Variants in VPS18 observed in about 807,000 individuals in gnomAD.
VPS18 encodes VPS18 core subunit of CORVET and HOPS complexes, also known as vacuolar protein sorting-associated protein 18 homolog.
A neutral mutation model predicts 82.0 loss-of-function variants in VPS18; 25 were observed. The observed-to-expected ratio is 0.30, with a 90% CI of 0.22 to 0.43. The LOEUF (loss-of-function observed/expected upper bound fraction) is 0.43, where lower values mean the gene tolerates loss of function less well. Among genes scored for constraint, VPS18 ranks in the 20% least tolerant of loss-of-function variants. The pLI is 1.00. For missense variants in VPS18, 1,168 were observed against 1,311.1 expected (o/e 0.89, Z 1.69); for synonymous variants, 523 against 543.0 (o/e 0.96, Z 0.51).
Position 40,899,718 on chromosome 15 carries a change from G to A in VPS18, c.900G>A (p.Gly300=). ...DGVLYGALDC[G]RPDSLLSEER... Reference sequence around the variant, plus strand: ...TGTTGTATGGGGCATTGGACTGTGGGCGCCCTGACTCTCTGCTGAGCGAGG... The same window carrying A: ...TGTTGTATGGGGCATTGGACTGTGGACGCCCTGACTCTCTGCTGAGCGAGG... Residue 300 remains glycine, a synonymous_variant, in exon 4 of 5, where the codon GGG becomes GGA. Transcript: ENST00000220509. The surrounding 1 kb of genome is among the most constrained non-coding windows in gnomAD (Gnocchi z 4.4). The A allele has an allele frequency of 1.9e-6, 3 of 1,613,988 alleles. No homozygotes were observed. Among genetic ancestry groups the A allele is most frequent in the Non-Finnish European group, 2.5e-6 (3 of 1,180,050 alleles).
At chr15:40,898,787 A>G in intron 2 of VPS18, 120 bp from the exon 3 acceptor site, 1 of 1,086,692 alleles carries the variant, frequency 9.2e-7, no homozygotes, top group Non-Finnish European at 1.4e-6. Context: ...TCAGCATTTT[A>G]TGCATAGATG....
Position 40,899,467 on chromosome 15 carries a change from C to G in VPS18, c.649C>G (p.Arg217Gly). 6.2e-7 allele frequency: 1 copy of G among 1,610,372 alleles called. No homozygotes were observed. Among genetic ancestry groups the G allele is most frequent in the Non-Finnish European group, 8.5e-7 (1 of 1,178,008 alleles). The stretch of plus-strand genomic sequence containing the variant: ...TGAGGCCGAGCGGGGCCCTGATGGG[C>G]GTAGCTTTGTTATTGCCACCACTCG... ...SLEAERGPDG[R>G]SFVIATTRQR... Residue 217 changes from arginine (R) to glycine (G), a missense_variant, in exon 4 of 5, where the codon CGT becomes GGT. Coordinates refer to ENST00000220509, the MANE Select transcript of VPS18 (RefSeq NM_020857.3). This position sits in a 1 kb window ranked among gnomAD's most constrained non-coding sequence, Gnocchi z 4.4.
In VPS18 at chr15:40,900,887, C is replaced by A; in HGVS notation, c.2069C>A (p.Pro690His). The A allele has an allele frequency of 6.2e-7, 1 of 1,614,072 alleles. No homozygotes were observed. ...TATCTGGAGCAGGCTGGGGCCAGCCCCCACCGGGTGCATTACGACCTCAAG... is the reference window on the plus strand; with the variant it reads ...TATCTGGAGCAGGCTGGGGCCAGCCACCACCGGGTGCATTACGACCTCAAG... ...LAYLEQAGAS[P>H]HRVHYDLKYA... is the part of the protein sequence containing the mutation. Residue 690 changes from proline to histidine, a missense_variant, in exon 4 of 5, where the codon CCC (proline) becomes CAC (histidine). Transcript: ENST00000220509. This position sits in a 1 kb window ranked among gnomAD's most constrained non-coding sequence, Gnocchi z 5.4.
intron 2 of VPS18, chr15:40,898,526 C>T: frequency 3.8e-6 from 1 of 262,642 alleles, no homozygotes; most frequent in South Asian, 4.0e-5. Flanking sequence ...GGTTGGAATA[C>T]AGTGGTGTAG....
In VPS18 at chr15:40,900,000, G is replaced by A. The variant is rs1283975488; in HGVS notation, c.1182G>A (p.Glu394=). The A allele has an allele frequency of 1.2e-6, 2 of 1,614,072 alleles. No individual in the cohort carries two copies. Among genetic ancestry groups the A allele is most frequent in the Non-Finnish European group, 1.7e-6 (2 of 1,180,044 alleles). Residue 394 remains glutamate (E), a synonymous_variant, in exon 4 of 5, where the codon GAG becomes GAA. Transcript: ENST00000220509. This position sits in a 1 kb window ranked among gnomAD's most constrained non-coding sequence, Gnocchi z 4.4. ...RAVFRYHVQR[E]ARDVWRTYLD... ...TCTTCCGCTACCACGTGCAACGGGA[G>A]GCCCGAGATGTCTGGCGCACCTATC...
chr15:40,900,254 G>T lies in VPS18; in HGVS notation c.1436G>T (p.Ser479Ile). The T allele has an allele frequency of 4.3e-6, 7 of 1,613,790 alleles. No individual in the cohort carries two copies. Among genetic ancestry groups the T allele is most frequent in the Non-Finnish European group, 5.1e-6 (6 of 1,180,012 alleles). ...GAGTTCCTGCAGCGAAAACTGGCCA[G>T]TTTGAAGCCAGCCGAACGTACCCAG... ...LAEFLQRKLA[S>I]LKPAERTQAT... is the part of the protein sequence containing the mutation. The change falls in exon 4 of 5, where the codon AGT becomes ATT. Residue 479 changes from serine to isoleucine, a missense_variant. Transcript: ENST00000220509. This position sits in a 1 kb window ranked among gnomAD's most constrained non-coding sequence, Gnocchi z 5.4.
rs1892330536 is a variant in VPS18, at chr15:40,900,391, A to AC, written c.1575dup (p.Phe526LeufsTer20). ...CCGAGAAACCAAGGAATGCTTTCGA[A>AC]CCTTCCTCAGCAGCCCCCGCCACAA... On this transcript the variant is annotated frameshift_variant, in exon 4 of 5. Transcript: ENST00000220509. LOFTEE classifies it high-confidence loss of function. This position sits in a 1 kb window ranked among gnomAD's most constrained non-coding sequence, Gnocchi z 5.4. 1 of 1,612,556 alleles carries AC rather than the reference A, an allele frequency of 6.2e-7. No homozygotes were observed. The highest frequency in any genetic ancestry group is 1.3e-5 in the African/African-American group (1 of 74,620).
In VPS18 at chr15:40,903,288, C is replaced by T. The variant is rs765565803; in HGVS notation, c.2869C>T (p.Arg957Trp). 251 of 1,569,332 alleles carry T rather than the reference C, an allele frequency of 1.6e-4. No individual in the cohort carries two copies. Among genetic ancestry groups the T allele is most frequent in the Non-Finnish European group, 2.1e-4 (244 of 1,158,368 alleles). ...CGELMIRSID[R>W]PFIDPQRYEE... is the part of the protein sequence containing the mutation. ...GGAGCTGATGATCCGCTCTATCGAC[C>T]GGCCGTTCATCGACCCCCAGCGCTA... Residue 957 changes from arginine to tryptophan, a missense_variant, in exon 5 of 5, where the codon CGG becomes TGG. Around this residue, in one of 3 missense-constraint regions of VPS18, gnomAD observed 296 missense variants for 354.0 expected, o/e 0.84. Transcript: ENST00000220509.
At position 40,903,270 on chromosome 15, in the gene VPS18, A is replaced by G; in HGVS notation, c.2851A>G (p.Met951Val). 2 of 1,594,766 alleles carry G rather than the reference A, an allele frequency of 1.3e-6. No individual in the cohort carries two copies. Among genetic ancestry groups the G allele is most frequent in the Non-Finnish European group, 1.7e-6 (2 of 1,170,138 alleles). Residue 951 changes from methionine to valine, a missense_variant, in exon 5 of 5, where the codon ATG (methionine) becomes GTG (valine). Physicochemically the swap from Met to Val is conservative, Grantham distance 21 (BLOSUM62 1). This residue lies in a region of VPS18 where 296 missense variants were observed against 354.0 expected (regional missense o/e 0.84). Transcript: ENST00000220509. ...TGAGTGTGTGTACTGTGGGGAGCTG[A>G]TGATCCGCTCTATCGACCGGCCGTT... Reference protein sequence around the residue: ...AAECVYCGELMIRSIDRPFID... With the variant: ...AAECVYCGELVIRSIDRPFID...
At chr15:40,895,880 T>C (rs900945941) in intron 1 of VPS18, 58 bp from the exon 2 acceptor site, 8 of 1,607,772 alleles carry the variant, frequency 5.0e-6, no homozygotes, top group Middle Eastern at 1.6e-4. Flanking sequence ...TTTCTGCCTC[T>C]CCTTGCCCTT....
At position 40,900,741 on chromosome 15, in the gene VPS18, G is replaced by T; in HGVS notation, c.1923G>T (p.Gln641His). 1.9e-6 allele frequency: 3 copies of T among 1,614,186 alleles called. No homozygotes were observed. Among genetic ancestry groups the T allele is most frequent in the Non-Finnish European group, 2.5e-6 (3 of 1,180,044 alleles). Residue 641 changes from glutamine (Q) to histidine (H), a missense_variant, in exon 4 of 5, where the codon CAG (glutamine) becomes CAT (histidine). Gln to His is a conservative substitution (Grantham distance 24). This residue lies in a region of VPS18 where 868 missense variants were observed against 939.8 expected (regional missense o/e 0.92). Transcript: ENST00000220509. This position sits in a 1 kb window ranked among gnomAD's most constrained non-coding sequence, Gnocchi z 5.4. ...ACAGCCAGGGTGGTGAGGTCCAGCAGGTGAGCCAGGCCATCCGCTACATGG... is the reference window on the plus strand; with the variant it reads ...ACAGCCAGGGTGGTGAGGTCCAGCATGTGAGCCAGGCCATCCGCTACATGG... ...VNYSQGGEVQ[Q>H]VSQAIRYMEF...
Position 40,894,719 on chromosome 15 carries a change from C to A in VPS18, c.-50C>A. 6.6e-7 allele frequency: 1 copy of A among 1,505,138 alleles called. No individual in the cohort carries two copies. Among genetic ancestry groups the A allele is most frequent in the Non-Finnish European group, 8.9e-7 (1 of 1,119,698 alleles). 93.2% of individuals were successfully genotyped at this position (1,505,138 alleles called of 1,614,324 possible). ...GGCGACGGGGACCCCGGGGGGGTAG[C>A]CCTTTTGTAATCCCCAGGCCCCGGA... On this transcript the variant is annotated 5_prime_UTR_variant, in exon 1 of 5. Transcript: ENST00000220509.
chr15:40,897,021 C>T (rs529222588), intron 2 of VPS18, among the ~76,000 whole-genome samples: 129 of 151,518 alleles, frequency 8.5e-4, no homozygotes, highest in Middle Eastern at 6.8e-3. Flanking sequence ...CCTGGCTGGG[C>T]GAGGTGGCTC....
intron 4 of VPS18, among the ~76,000 whole-genome samples, chr15:40,901,602 AAAAG>A (rs552755898): frequency 2.3e-4 from 35 of 150,836 alleles, no homozygotes; most frequent in African/African-American, 8.0e-4. Flanking sequence ...AAAAAAAAGA[AAAAG>A]AAAAGAAAAA....
At chr15:40,901,586 C>CA (rs112024715) in intron 4 of VPS18, among the ~76,000 whole-genome samples, 5,668 of 117,380 alleles carry the variant, frequency 0.048, 164 homozygotes, top group East Asian at 0.11. Flanking sequence ...GACTCCGTCT[C>CA]AAAAAAAAAA....
Position 40,894,852 on chromosome 15 carries a change from C to T in VPS18, c.84C>T (p.Pro28=), listed in dbSNP as rs764085951. Residue 28 remains proline, a synonymous_variant, in exon 1 of 5, where the codon CCC becomes CCT. Transcript: ENST00000220509. ...CCGGCTGCCCTAGCGTGGGCATCCC[C>T]CACTCGGGTAAGGAAGAGGAGGGTG... ...LQPGCPSVGI[P]HSGYVNAQLE... is the part of the protein sequence containing the mutation. 3.2e-6 allele frequency: 5 copies of T among 1,552,266 alleles called. No homozygotes were observed. Among genetic ancestry groups the T allele is most frequent in the Middle Eastern group, 1.7e-4 (1 of 6,010 alleles).
At position 40,902,903 on chromosome 15, in the gene VPS18, C is replaced by G; in HGVS notation, c.2484C>G (p.Ala828=). The change falls in exon 5 of 5, where the codon GCC becomes GCG. Residue 828 remains alanine, a synonymous_variant. Coordinates refer to ENST00000220509, the MANE Select transcript of VPS18 (RefSeq NM_020857.3). The surrounding 1 kb of genome is among the most constrained non-coding windows in gnomAD (Gnocchi z 4.2). The part of the protein sequence containing the change: ...ELQREMEEAT[A]SAQRIRRDLQ... The stretch of plus-strand genomic sequence containing the variant: ...AGCGGGAGATGGAAGAGGCTACAGC[C>G]AGTGCCCAGCGCATCCGGCGAGACC... The G allele has an allele frequency of 6.2e-7, 1 of 1,614,274 alleles. No individual in the cohort carries two copies. The highest frequency in any genetic ancestry group is 8.5e-7 in the Non-Finnish European group (1 of 1,180,052).
Position 40,898,920 on chromosome 15 carries a change from A to C in VPS18, c.247A>C (p.Lys83Gln). ...KDTLLRIDLGKANEPNHVELG... is the reference protein window; with the variant it reads ...KDTLLRIDLGQANEPNHVELG... ...TTGTCCCCACAGCATTGACTTGGGC[A>C]AGGCAAATGAGCCCAACCACGTGGA... The change falls in exon 3 of 5, where the codon AAG becomes CAG. Residue 83 changes from lysine to glutamine, a missense_variant. By Grantham distance (53) the Lys-to-Gln change is moderately conservative (BLOSUM62 1). This residue lies in a region of VPS18 where 868 missense variants were observed against 939.8 expected (regional missense o/e 0.92). Transcript: ENST00000220509. 8 of 1,614,108 alleles carry C rather than the reference A, an allele frequency of 5.0e-6. No individual in the cohort carries two copies. Among genetic ancestry groups the C allele is most frequent in the Non-Finnish European group, 6.8e-6 (8 of 1,179,984 alleles).
rs746038081 is a variant in VPS18 at position 40,900,963 on chromosome 15, T to C, written c.2145T>C (p.His715=). The C allele has an allele frequency of 2.5e-6, 4 of 1,611,310 alleles. No individual in the cohort carries two copies. The highest frequency in any genetic ancestry group is 1.1e-5 in the South Asian group (1 of 91,078). ...ATGGCCACCACCGCGCTTGTGTCCA[T>C]GTCTACAAGGTCCTAGAGCTGTATG... The part of the protein sequence containing the change: ...AEHGHHRACV[H]VYKVLELYEE... Residue 715 remains histidine, a synonymous_variant, in exon 4 of 5, where the codon CAT becomes CAC. Transcript: ENST00000220509. The surrounding 1 kb of genome is among the most constrained non-coding windows in gnomAD (Gnocchi z 5.4).
Sources: gnomAD v4.1 joint callset for allele counts (sites outside exome capture counted in the v4.1 genomes callset) on GRCh38, gnomAD v4.1.1 for gene constraint, gnomAD v4.1.1 regional missense constraint, Gnocchi (gnomAD v3.1) non-coding constraint, MANE v1.5 for transcripts, NCBI Gene and HGNC (gene_info 2026-07-23, HGNC 2026-07-21) for gene names.